Variants in TRPM7 observed in about 807,000 individuals in gnomAD.
TRPM7 encodes LTRPC ion channel family member 7.
TRPM7 carries 134 observed loss-of-function variants against 229.7 expected under a neutral mutation model. The observed-to-expected ratio is 0.58, with a 90% CI of 0.51 to 0.67. The LOEUF is 0.67. Ranked by LOEUF, TRPM7 falls within the 30% of genes least tolerant of loss-of-function variation. The pLI is 0.00. For synonymous variants in TRPM7, 699 were observed against 715.2 expected, an observed-to-expected ratio of 0.98 and a Z score of 0.36; for missense variants, 1,901 against 2,210.0, an observed-to-expected ratio of 0.86 and a Z score of 2.80.
intron 3 of TRPM7, among the ~76,000 whole-genome samples, chr15:50,654,736 C>T (rs1033929868): frequency 1.3e-5 from 2 of 150,948 alleles, no homozygotes; most frequent in African/African-American, 4.8e-5. Context: ...CAGTGGCTCA[C>T]GCCTGTAATC....
chr15:50,596,427 T>A lies in TRPM7; in HGVS notation c.3164-46A>T, dbSNP rs559470156. 2.1e-6 allele frequency: 3 copies of A among 1,418,344 alleles called. No individual in the cohort carries two copies. In the African/African-American group the frequency reaches 4.4e-5, roughly 21 times the overall value. The allele number at this position is 1,418,344 out of a possible 1,614,324, so 87.9% of individuals were successfully genotyped here. On this transcript the variant is annotated intron_variant, in intron 22 of 38. Transcript: ENST00000646667. ...AAAAACAAAAACAACTTAAAAATAG[T>A]AATTCATCAGTAACTGCTATTCATG...
rs1183546417 is a variant in TRPM7, at chr15:50,613,636, T to A, written c.1770+71A>T. On this transcript the variant is annotated intron_variant, in intron 15 of 38. Coordinates refer to ENST00000646667, the MANE Select transcript of TRPM7 (RefSeq NM_017672.6). ...TTACTAAATCAATTAGTTTTTTTTG[T>A]TTAATAATACTAAGTAATTTAGAAA... 2.0e-5 allele frequency: 27 copies of A among 1,327,404 alleles called. No homozygotes were observed. In the East Asian group the frequency reaches 6.5e-4, roughly 32 times the overall value. 82.2% of individuals were successfully genotyped at this position (1,327,404 alleles called of 1,614,324 possible).
At chr15:50,666,403 C>T (rs370426378) in intron 1 of TRPM7, among the ~76,000 whole-genome samples, 5 of 151,420 alleles carry the variant, frequency 3.3e-5, no homozygotes, top group Middle Eastern at 6.9e-3. Flanking sequence ...ATCATGCCAC[C>T]GTACTCCAGC....
At chr15:50,634,914 GTAATTTTTTAGTTTGCTTTACAATACA>G (rs1414963443) in intron 7 of TRPM7, among the ~76,000 whole-genome samples, 4 of 152,128 alleles carry the variant, frequency 2.6e-5, no homozygotes, top group Non-Finnish European at 5.9e-5. Flanking sequence ...AATGTAAACA[GTAATTTTTTAGTTTGCTTTACAATACA>G]TTAGTTGAAC....
chr15:50,601,750 C>T (rs1032306090), intron 21 of TRPM7, among the ~76,000 whole-genome samples: 3 of 151,888 alleles, frequency 2.0e-5, no homozygotes, highest in Non-Finnish European at 4.4e-5. Context: ...CATTAGTCTG[C>T]TATTAAAAGA....
In TRPM7 at chr15:50,639,632, T is replaced by C; in HGVS notation, c.536-84A>G. ...CCCAGGAAAGAGAGCAGTGGCGCAA[T>C]GACAGCTCACTGCAGCCTCAAACTC... On this transcript the variant is annotated intron_variant, in intron 5 of 38. Coordinates refer to ENST00000646667, the MANE Select transcript of TRPM7 (RefSeq NM_017672.6). The C allele has an allele frequency of 3.1e-6, 4 of 1,291,712 alleles. No individual in the cohort carries two copies. The South Asian group carries it at 4.4e-5, about 14-fold the overall frequency. 80.0% of individuals were successfully genotyped at this position (1,291,712 alleles called of 1,614,324 possible). A position where few individuals can be genotyped will look rare whatever the true frequency, so the allele number is the denominator to read the frequency against.
intron 38 of TRPM7, among the ~76,000 whole-genome samples, chr15:50,568,078 C>CAA (rs539803278): frequency 6.5e-5 from 4 of 61,102 alleles, no homozygotes; most frequent in African/African-American, 3.2e-4. Context: ...GACTCCGTCT[C>CAA]AAAAAAAAAA....
intron 27 of TRPM7, among the ~76,000 whole-genome samples, chr15:50,587,447 CA>C (rs1024379606): frequency 4.4e-5 from 5 of 114,818 alleles, no homozygotes; most frequent in Non-Finnish European, 8.6e-5. Context: ...TGCTCCATCT[CA>C]AAAAAAAAGT....
chr15:50,679,663 G>T (rs993150738), intron 1 of TRPM7, among the ~76,000 whole-genome samples: 1 of 149,816 alleles, frequency 6.7e-6, no homozygotes, highest in Non-Finnish European at 1.5e-5. Context: ...AGTCTCACAA[G>T]GAGCTGGGAT....
At chr15:50,684,853 A>G (rs756136310) in intron 1 of TRPM7, among the ~76,000 whole-genome samples, 5 of 152,192 alleles carry the variant, frequency 3.3e-5, no homozygotes, top group Non-Finnish European at 7.4e-5. Context: ...TATGTGCAGA[A>G]TTCTTTGTAA....
chr15:50,659,980 T>G (rs1253614678), intron 2 of TRPM7, among the ~76,000 whole-genome samples: 1 of 152,138 alleles, frequency 6.6e-6, no homozygotes, highest in South Asian at 2.1e-4. Flanking sequence ...AATCTATTTT[T>G]TTAATAAAGC....
At chr15:50,624,540 A>G (rs528750659) in intron 11 of TRPM7, among the ~76,000 whole-genome samples, 7 of 152,210 alleles carry the variant, frequency 4.6e-5, no homozygotes, top group Admixed American at 6.5e-5. Flanking sequence ...CTGTAGGAGA[A>G]TAAGTGTTAC....
At chr15:50,579,807 A>G (rs993043277) in intron 30 of TRPM7, among the ~76,000 whole-genome samples, 2 of 152,022 alleles carry the variant, frequency 1.3e-5, no homozygotes, top group Non-Finnish European at 2.9e-5. Flanking sequence ...AAAAAAAATT[A>G]TTTGTTTTGA....
intron 6 of TRPM7, among the ~76,000 whole-genome samples, chr15:50,638,344 G>A (rs1416210034): frequency 9.1e-6 from 1 of 109,974 alleles, no homozygotes; most frequent in African/African-American, 3.7e-5. Flanking sequence ...GGGCGACAGA[G>A]CGAGACTCCG....
chr15:50,661,591 T>C (rs2061725924), intron 2 of TRPM7, among the ~76,000 whole-genome samples: 1 of 152,168 alleles, frequency 6.6e-6, no homozygotes, highest in African/African-American at 2.4e-5. Context: ...GGAAATGCTA[T>C]TCAACAAATA....
chr15:50,576,291 T>C (rs563855135), intron 31 of TRPM7, among the ~76,000 whole-genome samples: 2 of 152,294 alleles, frequency 1.3e-5, no homozygotes, highest in African/African-American at 4.8e-5. Flanking sequence ...CATGAGAAGA[T>C]GAACTTCTGG....
At chr15:50,636,901 G>A (rs1032436641) in intron 7 of TRPM7, among the ~76,000 whole-genome samples, 15 of 152,182 alleles carry the variant, frequency 9.9e-5, no homozygotes, top group Admixed American at 3.9e-4. Flanking sequence ...AGGCCGAGAC[G>A]GGCAGATCAT....
At chr15:50,661,670 A>G (rs899031569) in intron 2 of TRPM7, among the ~76,000 whole-genome samples, 2 of 152,250 alleles carry the variant, frequency 1.3e-5, no homozygotes, top group Admixed American at 1.3e-4. Context: ...TCAGTTAGTA[A>G]AAACTGTCTA....
chr15:50,591,110 A>C (rs927960987), intron 26 of TRPM7, among the ~76,000 whole-genome samples: 1 of 152,184 alleles, frequency 6.6e-6, no homozygotes, highest in Non-Finnish European at 1.5e-5. Flanking sequence ...AGAATAAGTC[A>C]TTCCTTTTTG....
Sources: gnomAD v4.1 joint callset for allele counts (sites outside exome capture counted in the v4.1 genomes callset) on GRCh38, gnomAD v4.1.1 for gene constraint, MANE v1.5 for transcripts, NCBI Gene and HGNC (gene_info 2026-07-23, HGNC 2026-07-21) for gene names.